Variants in ANO1 observed in about 807,000 individuals in gnomAD.
ANO1 encodes anoctamin-1.
A neutral mutation model predicts 124.0 loss-of-function variants in ANO1; 59 were observed. The observed-to-expected ratio is 0.48, with a 90% CI of 0.39 to 0.59. The LOEUF is 0.59. ANO1 is among the 20% of genes least tolerant of loss of function. The pLI is 0.00. For missense variants in ANO1, 1,059 were observed against 1,328.0 expected, an observed-to-expected ratio of 0.80 and a Z score of 3.15; for synonymous variants, 529 against 532.0, an observed-to-expected ratio of 0.99 and a Z score of 0.08.
intron 10 of ANO1, among the ~76,000 whole-genome samples, chr11:70,131,673 T>C (rs529056153): frequency 6.6e-6 from 1 of 152,310 alleles, no homozygotes; most frequent in African/African-American, 2.4e-5. Context: ...AAACCAAGCA[T>C]GAGGCCCTGC....
intron 1 of ANO1, among the ~76,000 whole-genome samples, chr11:70,011,470 T>C (rs77872192): frequency 0.044 from 6,739 of 152,226 alleles, 493 homozygotes; most frequent in African/African-American, 0.15. Flanking sequence ...ACCCAGGTAC[T>C]CAGACCAGAA....
At chr11:70,026,944 T>C (rs1232134207) in intron 1 of ANO1, among the ~76,000 whole-genome samples, 3 of 152,184 alleles carry the variant, frequency 2.0e-5, no homozygotes. Context: ...CACTTGCTGC[T>C]GCCTCTTCCT....
At position 70,189,381 on chromosome 11, in the gene ANO1, G is replaced by C. The variant is rs1181746164; in HGVS notation, c.*1377G>C. ...TTTTCTCTTGTACAGTAAGTAGTTT[G>C]AAGTGGGTTTTGTATATAAATACTG... On this transcript the variant is annotated 3_prime_UTR_variant, in exon 26 of 26. Coordinates refer to ENST00000355303, the MANE Select transcript of ANO1 (RefSeq NM_018043.7). 6.6e-6 allele frequency: 1 copy of C among 152,614 alleles called. No homozygotes were observed. The highest frequency in any genetic ancestry group is 1.5e-5 in the Non-Finnish European group (1 of 68,038). 9.5% of individuals were successfully genotyped at this position (152,614 alleles called of 1,614,324 possible).
At position 70,044,010 on chromosome 11, in the gene ANO1, A is replaced by G. The variant is rs1857220424; in HGVS notation, c.59-34532A>G. 2.6e-5 allele frequency among the ~76,000 whole-genome samples: 4 copies of G among 152,152 alleles called. No homozygotes were observed. The South Asian group carries it at 8.3e-4, about 31-fold the overall frequency. ...ATAATAACTGTATTATAGCACTATG[A>G]CATACATAGAAATAAAATGTAATAG... On this transcript the variant is annotated intron_variant, in intron 1 of 27. Transcript: ENST00000531349.
At chr11:70,069,307 G>T (rs925247063) in intron 1 of ANO1, among the ~76,000 whole-genome samples, 1 of 152,302 alleles carries the variant, frequency 6.6e-6, no homozygotes, top group East Asian at 1.9e-4. Context: ...CTCTAAGGTT[G>T]GAGGAAAGAC....
Position 70,087,941 on chromosome 11 carries a change from C to T in ANO1, c.298C>T (p.Pro100Ser). Residue 100 changes from proline (P) to serine (S), a missense_variant, in exon 2 of 26, where the codon CCC becomes TCC. Physicochemically the swap from Pro to Ser is moderately conservative, Grantham distance 74. This residue lies in a region of ANO1 where 250 missense variants were observed against 233.1 expected (regional missense o/e 1.07). Transcript: ENST00000355303. ...SGARSVKQDH[P>S]LPGKGASLDA... ...GGCTCGCAGCGTCAAGCAGGACCAC[C>T]CCCTGCCGGGCAAGGGGGCGTCGCT... 3 of 1,602,918 alleles carry T rather than the reference C, an allele frequency of 1.9e-6. No homozygotes were observed. The highest frequency in any genetic ancestry group is 2.6e-6 in the Non-Finnish European group (3 of 1,174,654).
chr11:70,018,203 T>A (rs7935434), intron 1 of ANO1: 113,789 of 151,700 alleles, frequency 0.75, 43,222 homozygotes, highest in East Asian at 0.98. Context: ...AAAAAAATTT[T>A]AAATTTAGCT....
At chr11:70,161,864 G>C (rs949161801) in intron 18 of ANO1, 131 bp downstream of exon 18, 1 of 853,974 alleles carries the variant, frequency 1.2e-6, no homozygotes, top group Non-Finnish European at 1.9e-6. Flanking sequence ...GCCAAAGAGG[G>C]TCAGGGAGAA....
chr11:70,121,763 CCTCT>C (rs1186598205), intron 8 of ANO1, among the ~76,000 whole-genome samples: 8 of 139,074 alleles, frequency 5.8e-5, no homozygotes, highest in African/African-American at 2.2e-4. Flanking sequence ...ATCTCCCCCA[CCTCT>C]CTGTCTGTCT....
At chr11:70,010,813 C>T (rs1005157301) in intron 1 of ANO1, among the ~76,000 whole-genome samples, 1 of 152,224 alleles carries the variant, frequency 6.6e-6, no homozygotes, top group Non-Finnish European at 1.5e-5. Context: ...TTGGCACAGC[C>T]TCAGAGATGC....
At chr11:70,098,419 G>A (rs2045107232) in intron 2 of ANO1, among the ~76,000 whole-genome samples, 1 of 152,308 alleles carries the variant, frequency 6.6e-6, no homozygotes. Context: ...GCTGTGCACG[G>A]CACACACACC....
At chr11:70,025,097 G>T (rs886427684) in intron 1 of ANO1, among the ~76,000 whole-genome samples, 10 of 152,190 alleles carry the variant, frequency 6.6e-5, no homozygotes, top group Non-Finnish European at 1.2e-4. Flanking sequence ...AACCACATGG[G>T]CTGGAGCTGT....
intron 11 of ANO1, among the ~76,000 whole-genome samples, chr11:70,136,280 T>C (rs2046952229): frequency 6.6e-6 from 1 of 152,148 alleles, no homozygotes; most frequent in Non-Finnish European, 1.5e-5. Flanking sequence ...GTCGGTCCCC[T>C]GTGGTTCTCA....
chr11:70,113,381 A>C (rs2155460), intron 7 of ANO1, among the ~76,000 whole-genome samples: 148,350 of 152,286 alleles, frequency 0.97, 72,385 homozygotes, highest in East Asian at 1. Context: ...GACCTGCTGT[A>C]TGGGGAGGTT....
intron 1 of ANO1, among the ~76,000 whole-genome samples, chr11:70,061,818 C>A (rs1046288783): frequency 6.6e-6 from 1 of 152,046 alleles, no homozygotes; most frequent in African/African-American, 2.4e-5. Flanking sequence ...AGCTTCAGAC[C>A]GACAACAGAG....
chr11:70,006,089 C>A (rs998305299), intron 1 of ANO1, among the ~76,000 whole-genome samples: 1 of 152,160 alleles, frequency 6.6e-6, no homozygotes, highest in East Asian at 1.9e-4. Flanking sequence ...CTCTTACCTA[C>A]GTGGAGACAC....
At chr11:69,987,604 CAAAAAAAAAAAAAAAAAAA>C (rs202001305) in intron 1 of ANO1, among the ~76,000 whole-genome samples, 10 of 109,730 alleles carry the variant, frequency 9.1e-5, no homozygotes, top group East Asian at 2.3e-4. Flanking sequence ...GACCATGTCT[CAAAAAAAAAAAAAAAAAAA>C]AAAAAAAAAA....
At chr11:70,034,066 C>G (rs1857053431) in intron 1 of ANO1, among the ~76,000 whole-genome samples, 1 of 152,164 alleles carries the variant, frequency 6.6e-6, no homozygotes, top group Non-Finnish European at 1.5e-5. Context: ...TTCAACAAAG[C>G]TTTGCCAACC....
chr11:70,126,873 C>T (rs1203144122), intron 10 of ANO1, among the ~76,000 whole-genome samples: 20 of 113,304 alleles, frequency 1.8e-4, no homozygotes, highest in East Asian at 8.8e-4. Flanking sequence ...TGCAGGCTGG[C>T]ACTTGCGGGA....
Sources: gnomAD v4.1 joint callset for allele counts (sites outside exome capture counted in the v4.1 genomes callset) on GRCh38, gnomAD v4.1.1 for gene constraint, gnomAD v4.1.1 regional missense constraint, MANE v1.5 for transcripts, NCBI Gene and HGNC (gene_info 2026-07-23, HGNC 2026-07-21) for gene names.